The following RBFOX3 variants were observed in gnomAD, a reference collection of about 807,000 sequenced individuals.
RBFOX3 encodes RNA binding fox-1 homolog 3, also known as RNA binding protein fox-1 homolog 3.
A neutral mutation model predicts 48.7 loss-of-function variants in RBFOX3; 17 were observed. The observed-to-expected ratio is 0.35, with a 90% confidence interval of 0.24 to 0.52. RBFOX3 has a LOEUF of 0.52. Among genes scored for constraint, RBFOX3 ranks in the 20% least tolerant of loss-of-function variants. RBFOX3 has a pLI of 0.94. For synonymous variants in RBFOX3, 212 were observed against 209.5 expected, an observed-to-expected ratio of 1.01 and a Z score of -0.10; for missense variants, 382 against 497.5, an observed-to-expected ratio of 0.77 and a Z score of 2.21.
intron 1 of RBFOX3, among the ~76,000 whole-genome samples, chr17:79,549,482 G>A (rs2143507145): frequency 6.6e-6 from 1 of 152,388 alleles, no homozygotes; most frequent in East Asian, 1.9e-4. Flanking sequence ...AGACGTGAGA[G>A]CAAGTGAATC....
chr17:79,292,278 C>T (rs2073413818), intron 3 of RBFOX3, among the ~76,000 whole-genome samples: 1 of 152,070 alleles, frequency 6.6e-6, no homozygotes, highest in South Asian at 2.1e-4. Context: ...GAAAATCCCA[C>T]TCGTGTGCAT....
At chr17:79,557,236 A>G (rs1193574501) in intron 1 of RBFOX3, among the ~76,000 whole-genome samples, 1 of 151,300 alleles carries the variant, frequency 6.6e-6, no homozygotes, top group African/African-American at 2.4e-5. Flanking sequence ...AAAAAAAAAA[A>G]AAAAAAAAAA....
At chr17:79,582,525 G>A (rs1480017903) in intron 1 of RBFOX3, among the ~76,000 whole-genome samples, 3 of 152,082 alleles carry the variant, frequency 2.0e-5, no homozygotes, top group Non-Finnish European at 2.9e-5. Context: ...AATTCCAACC[G>A]GGTGCGGTGG....
intron 3 of RBFOX3, among the ~76,000 whole-genome samples, chr17:79,271,499 T>C (rs558632766): frequency 9.8e-5 from 15 of 152,340 alleles, no homozygotes; most frequent in Admixed American, 7.8e-4. Flanking sequence ...CTCTTTGCGC[T>C]GTCCTTCTCC....
chr17:79,227,463 C>T (rs1234296901), intron 4 of RBFOX3, among the ~76,000 whole-genome samples: 1 of 152,188 alleles, frequency 6.6e-6, no homozygotes, highest in Non-Finnish European at 1.5e-5. Flanking sequence ...CTTTGTTTGG[C>T]TCCTTGTTGC....
chr17:79,349,911 T>C (rs986405071), intron 2 of RBFOX3, among the ~76,000 whole-genome samples: 8 of 152,112 alleles, frequency 5.3e-5, no homozygotes, highest in Admixed American at 3.3e-4. Flanking sequence ...ATGGGTTCCC[T>C]GAGCCTAGGC....
rs946167220 is a variant in RBFOX3 at position 79,299,011 on chromosome 17, C to T, written c.-74+8713G>A. 2.0e-5 allele frequency among the ~76,000 whole-genome samples: 3 copies of T among 152,116 alleles called. No individual in the cohort carries two copies. Among genetic ancestry groups the T allele is most frequent in the Non-Finnish European group, 4.4e-5 (3 of 68,022 alleles). ...TGCAAGGCTGGGAGGCGGGAGGGCG[C>T]GAGTCTGTAACTGGAGAGGTTTGTT... On this transcript the variant is annotated intron_variant, in intron 3 of 14. Transcript: ENST00000693108. This position sits in a 1 kb window ranked among gnomAD's most constrained non-coding sequence, Gnocchi z 4.5.
intron 2 of RBFOX3, among the ~76,000 whole-genome samples, chr17:79,455,620 C>A (rs990991846): frequency 1.3e-5 from 2 of 152,146 alleles, no homozygotes; most frequent in Non-Finnish European, 2.9e-5. Flanking sequence ...CACTCACATG[C>A]GCACACGTTC....
chr17:79,620,618 C>T, the RBFOX3 span, among the ~76,000 whole-genome samples: 3 of 120,256 alleles, frequency 2.5e-5, no homozygotes, highest in East Asian at 2.5e-4. Flanking sequence ...CATGCACACA[C>T]GCACATGCAC....
At chr17:79,245,703 T>C (rs1264472484) in intron 3 of RBFOX3, among the ~76,000 whole-genome samples, 5 of 147,862 alleles carry the variant, frequency 3.4e-5, no homozygotes, top group East Asian at 2.0e-4. Context: ...TCTCAGCCCA[T>C]TGCAACCTCC....
chr17:79,451,607 C>T (rs1414394870), intron 2 of RBFOX3, among the ~76,000 whole-genome samples: 2 of 152,204 alleles, frequency 1.3e-5, no homozygotes, highest in African/African-American at 4.8e-5. Flanking sequence ...CGAACCATCA[C>T]AGTAAGTTAC....
intron 1 of RBFOX3, among the ~76,000 whole-genome samples, chr17:79,522,555 G>A (rs2086247795): frequency 6.6e-6 from 1 of 152,028 alleles, no homozygotes; most frequent in Admixed American, 6.6e-5. Context: ...CACATTTAAA[G>A]TCCTCTCACC....
At chr17:79,158,706 T>C (rs758321420) in intron 4 of RBFOX3, among the ~76,000 whole-genome samples, 2 of 151,990 alleles carry the variant, frequency 1.3e-5, no homozygotes, top group African/African-American at 4.8e-5. Flanking sequence ...AATTAAAACA[T>C]AAATGAAAAA....
intron 4 of RBFOX3, among the ~76,000 whole-genome samples, chr17:79,189,164 T>C (rs2146403154): frequency 6.6e-6 from 1 of 152,368 alleles, no homozygotes; most frequent in East Asian, 1.9e-4. Flanking sequence ...CAATACCTTG[T>C]ATCTGCTCAG....
chr17:79,274,661 C>T (rs567502364), intron 3 of RBFOX3, among the ~76,000 whole-genome samples: 2 of 152,178 alleles, frequency 1.3e-5, no homozygotes, highest in South Asian at 2.1e-4. Context: ...GCGAGGGTCC[C>T]CTCATCCCCC....
At chr17:79,582,014 C>CCG in intron 1 of RBFOX3, among the ~76,000 whole-genome samples, 1 of 147,874 alleles carries the variant, frequency 6.8e-6, no homozygotes, top group East Asian at 2.0e-4. Flanking sequence ...GTGTATGTGC[C>CCG]TGTGCGTGCC....
intron 2 of RBFOX3, among the ~76,000 whole-genome samples, chr17:79,340,978 C>T (rs941786692): frequency 2.0e-5 from 3 of 152,220 alleles, no homozygotes; most frequent in Admixed American, 6.5e-5. Flanking sequence ...AACAGTTACA[C>T]CTGCAAGTCA....
At chr17:79,163,988 C>G (rs2145437348) in intron 4 of RBFOX3, among the ~76,000 whole-genome samples, 1 of 152,358 alleles carries the variant, frequency 6.6e-6, no homozygotes, top group Admixed American at 6.5e-5. Context: ...TCTAGAATAT[C>G]AGCAGAAGCA....
intron 3 of RBFOX3, among the ~76,000 whole-genome samples, chr17:79,294,117 C>G (rs1293149501): frequency 6.6e-6 from 1 of 152,222 alleles, no homozygotes; most frequent in Non-Finnish European, 1.5e-5. Context: ...GCTTGCCTTA[C>G]AGAGTCAGAA....
Sources: gnomAD v4.1 joint callset for allele counts (sites outside exome capture counted in the v4.1 genomes callset) on GRCh38, gnomAD v4.1.1 for gene constraint, Gnocchi (gnomAD v3.1) non-coding constraint, MANE v1.5 for transcripts, NCBI Gene and HGNC (gene_info 2026-07-23, HGNC 2026-07-21) for gene names.